Variants in SYNPR observed in about 807,000 individuals in gnomAD.
The protein encoded by SYNPR is synaptoporin.
In SYNPR, 23 loss-of-function variants were observed where a neutral mutation model predicts 32.9. The observed-to-expected ratio is 0.70, with a 90% CI of 0.50 to 0.99. The LOEUF (loss-of-function observed/expected upper bound fraction) is 0.99, where lower values mean the gene tolerates loss of function less well. Ranked by LOEUF, SYNPR falls within the 50% of genes least tolerant of loss-of-function variation. SYNPR has a pLI of 0.00. For missense variants in SYNPR, 318 were observed against 349.3 expected, an observed-to-expected ratio of 0.91 and a Z score of 0.71; for synonymous variants, 146 against 135.9, an observed-to-expected ratio of 1.07 and a Z score of -0.52.
At chr3:63,251,806 C>G (rs1349646874) in intron 1 of SYNPR, among the ~76,000 whole-genome samples, 1 of 151,950 alleles carries the variant, frequency 6.6e-6, no homozygotes, top group Non-Finnish European at 1.5e-5. Context: ...TACTCATGCC[C>G]TATACCCTCT....
chr3:63,395,282 T>C (rs990428271), intron 2 of SYNPR, among the ~76,000 whole-genome samples: 6 of 152,222 alleles, frequency 3.9e-5, no homozygotes, highest in African/African-American at 1.4e-4. Flanking sequence ...ATTGAATTAT[T>C]CCTTATAAGA....
At chr3:63,265,238 A>ATTTTTTTT (rs1560172997) in intron 2 of SYNPR, among the ~76,000 whole-genome samples, 10 of 87,894 alleles carry the variant, frequency 1.1e-4, no homozygotes, top group South Asian at 4.7e-4. Flanking sequence ...TTCTAATGAC[A>ATTTTTTTT]TTCTTTTTTT....
intron 3 of SYNPR, among the ~76,000 whole-genome samples, chr3:63,527,599 T>C (rs1702036973): frequency 6.6e-6 from 1 of 152,104 alleles, no homozygotes; most frequent in Non-Finnish European, 1.5e-5. Context: ...CTTAGAACTA[T>C]CAAGAGTCCA....
chr3:63,207,799 A>C, the SYNPR span, among the ~76,000 whole-genome samples: 1 of 152,136 alleles, frequency 6.6e-6, no homozygotes, highest in Non-Finnish European at 1.5e-5. Flanking sequence ...AATGAAAGAA[A>C]ATATTTTGAT....
At chr3:63,335,133 T>C (rs1349537220) in intron 2 of SYNPR, among the ~76,000 whole-genome samples, 2 of 152,106 alleles carry the variant, frequency 1.3e-5, no homozygotes, top group African/African-American at 4.8e-5. Context: ...GGCGGGTGGA[T>C]CACAAGGTCG....
intron 3 of SYNPR, among the ~76,000 whole-genome samples, chr3:63,514,112 G>A (rs1701748661): frequency 1.3e-5 from 2 of 152,050 alleles, no homozygotes; most frequent in Non-Finnish European, 2.9e-5. Context: ...GATCAGTAAA[G>A]CACTAAAAAA....
At chr3:63,349,913 G>T (rs143339951) in intron 2 of SYNPR, among the ~76,000 whole-genome samples, 62 of 152,154 alleles carry the variant, frequency 4.1e-4, no homozygotes, top group African/African-American at 1.4e-3. Flanking sequence ...AAAGGCAAAT[G>T]CAAAAAATAA....
chr3:63,476,600 C>CA (rs1251437250), intron 2 of SYNPR, among the ~76,000 whole-genome samples: 4 of 151,928 alleles, frequency 2.6e-5, no homozygotes, highest in Non-Finnish European at 5.9e-5. Flanking sequence ...ACCGATGTGG[C>CA]AAAAAAACAT....
intron 1 of SYNPR, among the ~76,000 whole-genome samples, chr3:63,243,619 T>C (rs188763240): frequency 2.8e-4 from 42 of 152,108 alleles, no homozygotes; most frequent in Middle Eastern, 6.8e-3. Context: ...AGCTTGGAGG[T>C]TGGTTGTTTC....
intron 2 of SYNPR, among the ~76,000 whole-genome samples, chr3:63,344,856 G>A (rs1452003603): frequency 2.0e-5 from 3 of 152,142 alleles, no homozygotes; most frequent in Non-Finnish European, 4.4e-5. Context: ...GATTGGTTGG[G>A]TTCAGCATGA....
intron 3 of SYNPR, among the ~76,000 whole-genome samples, chr3:63,520,536 G>A (rs1701887648): frequency 6.6e-6 from 1 of 152,176 alleles, no homozygotes; most frequent in African/African-American, 2.4e-5. Context: ...AGCCAGGCGT[G>A]ATGGCACGCG....
chr3:63,272,972 T>A (rs1221640527), intron 3 of SYNPR, among the ~76,000 whole-genome samples: 1 of 152,020 alleles, frequency 6.6e-6, no homozygotes, highest in African/African-American at 2.4e-5. Context: ...AACATGGGAG[T>A]GATCTCAGGA....
At chr3:63,433,575 A>G (rs1340870719) in intron 2 of SYNPR, among the ~76,000 whole-genome samples, 1 of 152,142 alleles carries the variant, frequency 6.6e-6, no homozygotes, top group Non-Finnish European at 1.5e-5. Context: ...AGAAACTAAG[A>G]ATAACTGTAC....
Position 63,368,161 on chromosome 3 carries a change from T to C in SYNPR, c.84+89419T>C, listed in dbSNP as rs2087750417. Among the ~76,000 whole-genome samples the C allele has an allele frequency of 2.0e-5, 3 of 152,122 alleles. No homozygotes were observed. In the South Asian group the frequency reaches 6.2e-4, roughly 32 times the overall value. On this transcript the variant is annotated intron_variant, in intron 2 of 5. Transcript: ENST00000478300. Reference sequence around the variant, plus strand: ...GGCTATGGAGCATCAAAGAGAGAGGTGTTTGCCTGGACCAAGAGCAATTGC... The same window carrying C: ...GGCTATGGAGCATCAAAGAGAGAGGCGTTTGCCTGGACCAAGAGCAATTGC...
upstream of SYNPR, among the ~76,000 whole-genome samples, chr3:63,225,472 C>G (rs149852912): frequency 6.6e-6 from 1 of 152,160 alleles, no homozygotes; most frequent in Non-Finnish European, 1.5e-5. Context: ...GGCATCAACT[C>G]TTGAAAGCTA....
chr3:63,519,835 G>GA (rs1258319571), intron 3 of SYNPR, among the ~76,000 whole-genome samples: 2 of 152,142 alleles, frequency 1.3e-5, no homozygotes, highest in Non-Finnish European at 2.9e-5. Flanking sequence ...AGTGAAATAT[G>GA]AGATTTATTT....
chr3:63,447,680 G>C (rs1323967498), intron 2 of SYNPR, among the ~76,000 whole-genome samples: 1 of 151,884 alleles, frequency 6.6e-6, no homozygotes, highest in Non-Finnish European at 1.5e-5. Context: ...TTTGAAAATG[G>C]AAACACCTCA....
chr3:63,316,993 G>A (rs898209599), intron 2 of SYNPR, among the ~76,000 whole-genome samples: 3 of 152,046 alleles, frequency 2.0e-5, no homozygotes, highest in Middle Eastern at 3.4e-3. Context: ...TTTTGACCCA[G>A]TGCTCATTCA....
chr3:63,287,146 G>A (rs188729002), intron 2 of SYNPR, among the ~76,000 whole-genome samples: 33 of 152,198 alleles, frequency 2.2e-4, no homozygotes, highest in Admixed American at 1.2e-3. Context: ...ACTTTACTGG[G>A]GAATGTTCCT....
Sources: gnomAD v4.1 joint callset for allele counts (sites outside exome capture counted in the v4.1 genomes callset) on GRCh38, gnomAD v4.1.1 for gene constraint, MANE v1.5 for transcripts, NCBI Gene and HGNC (gene_info 2026-07-23, HGNC 2026-07-21) for gene names.